RTN1: variants seen among roughly 807,000 people sequenced by gnomAD.
The protein encoded by RTN1 is reticulon-1.
In RTN1, 25 loss-of-function variants were observed where a neutral mutation model predicts 65.5. The ratio of observed to expected loss-of-function variants is 0.38; its 90% CI spans 0.28 to 0.53. RTN1 has a LOEUF of 0.53. Among genes scored for constraint, RTN1 ranks in the 20% least tolerant of loss-of-function variants. The pLI is 0.79. For synonymous variants in RTN1, 471 were observed against 447.6 expected, an observed-to-expected ratio of 1.05 and a Z score of -0.66; for missense variants, 983 against 1,025.4, an observed-to-expected ratio of 0.96 and a Z score of 0.57.
chr14:59,855,424 G>T (rs1053814639), intron 1 of RTN1, among the ~76,000 whole-genome samples: 4 of 152,062 alleles, frequency 2.6e-5, no homozygotes, highest in African/African-American at 9.7e-5. Context: ...TTTCTTTGGT[G>T]AGACTTTCTT....
chr14:59,600,642 T>G (rs1332121869), intron 8 of RTN1, among the ~76,000 whole-genome samples: 4 of 152,130 alleles, frequency 2.6e-5, no homozygotes, highest in Non-Finnish European at 5.9e-5. Flanking sequence ...CAAAACAGGT[T>G]ATTTGGAAGA....
intron 1 of RTN1, among the ~76,000 whole-genome samples, chr14:59,749,034 C>T (rs1171663929): frequency 2.7e-5 from 4 of 149,170 alleles, no homozygotes; most frequent in Non-Finnish European, 4.4e-5. Flanking sequence ...GGTGATCCTC[C>T]CACCATGGCC....
chr14:59,732,718 C>T (rs1009221502), intron 2 of RTN1, among the ~76,000 whole-genome samples: 1 of 152,182 alleles, frequency 6.6e-6, no homozygotes, highest in African/African-American at 2.4e-5. Flanking sequence ...TTACATACTC[C>T]AGCCCTAGGA....
chr14:59,749,392 ATCTATATATATCTATATCTATATATATC>A (rs1885344809), intron 1 of RTN1, among the ~76,000 whole-genome samples: 2 of 71,390 alleles, frequency 2.8e-5, no homozygotes, highest in East Asian at 7.4e-4. Context: ...ATCTATATAT[ATCTATATATATCTATATCTATATATATC>A]TATATATCTA....
chr14:59,687,972 C>A (rs1883883202), intron 3 of RTN1, among the ~76,000 whole-genome samples: 1 of 152,086 alleles, frequency 6.6e-6, no homozygotes, highest in Non-Finnish European at 1.5e-5. Context: ...CCCCACCATT[C>A]CTGTGAAGAG....
At chr14:59,832,718 A>C (rs572445529) in intron 1 of RTN1, among the ~76,000 whole-genome samples, 1 of 152,310 alleles carries the variant, frequency 6.6e-6, no homozygotes, top group African/African-American at 2.4e-5. Flanking sequence ...TCCCATTTAC[A>C]TTAACCTCTT....
In RTN1 at chr14:59,727,244, G is replaced by A. The variant is rs375441483; in HGVS notation, c.1440C>T (p.Ser480=). The change falls in exon 3 of 9, where the codon AGC becomes AGT. Residue 480 remains serine, a synonymous_variant. Transcript: ENST00000267484. This position sits in a 1 kb window ranked among gnomAD's most constrained non-coding sequence, Gnocchi z 4.2. ...GGGGTGAGTCCTGCTCCCGCTTGGG[G>A]CTCTCCTCCGAGGCCGAGGAGGCGT... The part of the protein sequence containing the change: ...SCDASSASEE[S]PKREQDSPPM... The A allele has an allele frequency of 9.1e-6, 14 of 1,540,418 alleles. No homozygotes were observed. In the African/African-American group the frequency reaches 1.8e-4, roughly 20 times the overall value.
At chr14:59,748,213 T>TTTTG (rs1459032279) in intron 1 of RTN1, among the ~76,000 whole-genome samples, 1 of 146,136 alleles carries the variant, frequency 6.8e-6, no homozygotes, top group African/African-American at 2.8e-5. Context: ...CTGTGAGGTT[T>TTTTG]TTTTTTTTTT....
At chr14:59,750,185 A>ATATAATATATATATTATAT (rs1566713268) in intron 1 of RTN1, among the ~76,000 whole-genome samples, 2 of 21,882 alleles carry the variant, frequency 9.1e-5, no homozygotes, top group African/African-American at 5.7e-4. Context: ...AATATATAAT[A>ATATAATATATATATTATAT]CATATATTAT....
At chr14:59,627,076 C>A (rs1882419681) in intron 3 of RTN1, among the ~76,000 whole-genome samples, 2 of 152,158 alleles carry the variant, frequency 1.3e-5, no homozygotes, top group Non-Finnish European at 2.9e-5. Flanking sequence ...TTTTACTACA[C>A]AATCTGCTAC....
chr14:59,867,120 T>C (rs1887812730), intron 1 of RTN1, among the ~76,000 whole-genome samples: 1 of 152,208 alleles, frequency 6.6e-6, no homozygotes, highest in Non-Finnish European at 1.5e-5. Context: ...AGTCAATGAG[T>C]TAATTTCCAA....
intron 3 of RTN1, among the ~76,000 whole-genome samples, chr14:59,673,570 C>T (rs1019996877): frequency 6.6e-6 from 1 of 152,126 alleles, no homozygotes; most frequent in Non-Finnish European, 1.5e-5. Context: ...GGCAGGTAGC[C>T]CCCATAGGAC....
chr14:59,814,516 T>C (rs1487775298), intron 1 of RTN1, among the ~76,000 whole-genome samples: 1 of 152,190 alleles, frequency 6.6e-6, no homozygotes, highest in Non-Finnish European at 1.5e-5. Context: ...AGGCAGACTA[T>C]GAAAAGGAAA....
At chr14:59,837,052 G>T (rs1211667442) in intron 1 of RTN1, among the ~76,000 whole-genome samples, 1 of 134,120 alleles carries the variant, frequency 7.5e-6, no homozygotes, top group Non-Finnish European at 1.6e-5. Context: ...TATAAAAGGA[G>T]AAATAGGACT....
At chr14:59,844,273 C>T (rs1887367049) in intron 1 of RTN1, among the ~76,000 whole-genome samples, 1 of 152,154 alleles carries the variant, frequency 6.6e-6, no homozygotes, top group Non-Finnish European at 1.5e-5. Context: ...GAGGTGATTG[C>T]CCTTATGAAC....
At chr14:59,683,111 C>T (rs1444762998) in intron 3 of RTN1, among the ~76,000 whole-genome samples, 1 of 152,118 alleles carries the variant, frequency 6.6e-6, no homozygotes, top group Admixed American at 6.6e-5. Flanking sequence ...GAAGCTTATT[C>T]CAGACTCAAC....
intron 1 of RTN1, among the ~76,000 whole-genome samples, chr14:59,795,867 G>A (rs1886429924): frequency 6.6e-6 from 1 of 152,074 alleles, no homozygotes; most frequent in South Asian, 2.1e-4. Context: ...CCTCAGAAAT[G>A]TAATACGTTT....
rs150419627 is a variant in RTN1, at chr14:59,685,095, G to A, written c.1765+41824C>T. 1.8e-3 allele frequency among the ~76,000 whole-genome samples: 274 copies of A among 152,244 alleles called. 1 individual carries two copies. Among genetic ancestry groups the A allele is most frequent in the African/African-American group, 6.5e-3 (270 of 41,564 alleles). The stretch of plus-strand genomic sequence containing the variant: ...TAAGACCCATATGATAATTTTAGTA[G>A]ATGCAGAAAAAGCATTTAATAAAAC... On this transcript the variant is annotated intron_variant, in intron 3 of 8. Coordinates refer to ENST00000267484, the MANE Select transcript of RTN1 (RefSeq NM_021136.3).
chr14:59,870,053 G>A lies in RTN1; in HGVS notation c.241+337C>T, dbSNP rs531419347. Among the ~76,000 whole-genome samples, 1 of 152,296 alleles carries A rather than the reference G, an allele frequency of 6.6e-6. No individual in the cohort carries two copies. The highest frequency in any genetic ancestry group is 2.1e-4 in the South Asian group (1 of 4,828). On this transcript the variant is annotated intron_variant, in intron 1 of 8. Transcript: ENST00000267484. This position sits in a 1 kb window ranked among gnomAD's most constrained non-coding sequence, Gnocchi z 5.1. Reference sequence around the variant, plus strand: ...CCTGTCAAACGGGCCCTACAGCTCGGAGCCTCCTGGCAGGAGGGAGAAACT... The same window carrying A: ...CCTGTCAAACGGGCCCTACAGCTCGAAGCCTCCTGGCAGGAGGGAGAAACT...
Sources: gnomAD v4.1 joint callset for allele counts (sites outside exome capture counted in the v4.1 genomes callset) on GRCh38, gnomAD v4.1.1 for gene constraint, Gnocchi (gnomAD v3.1) non-coding constraint, MANE v1.5 for transcripts, NCBI Gene and HGNC (gene_info 2026-07-23, HGNC 2026-07-21) for gene names.